The following SLC35F1 variants were observed in gnomAD, a reference collection of about 807,000 sequenced individuals.
SLC35F1 encodes the protein chromosome 6 open reading frame 169.
SLC35F1 carries 14 observed loss-of-function variants against 48.7 expected under a neutral mutation model. The ratio of observed to expected loss-of-function variants is 0.29; its 90% CI spans 0.19 to 0.45. The LOEUF is 0.45. Ranked by LOEUF, SLC35F1 falls within the 20% of genes least tolerant of loss-of-function variation. The pLI, the probability that SLC35F1 is intolerant of heterozygous loss-of-function variation, is 1.00. For synonymous variants in SLC35F1, 190 were observed against 202.2 expected, an observed-to-expected ratio of 0.94 and a Z score of 0.51; for missense variants, 404 against 500.0, an observed-to-expected ratio of 0.81 and a Z score of 1.83.
chr6:118,007,193 G>T (rs1179446746), intron 1 of SLC35F1, among the ~76,000 whole-genome samples: 1 of 151,934 alleles, frequency 6.6e-6, no homozygotes, highest in African/African-American at 2.4e-5. Flanking sequence ...GCTGAAGCGG[G>T]GACTCTCTAC....
At chr6:118,206,075 C>T (rs1477258389) in intron 2 of SLC35F1, among the ~76,000 whole-genome samples, 1 of 151,992 alleles carries the variant, frequency 6.6e-6, no homozygotes, top group Non-Finnish European at 1.5e-5. Context: ...GGTGATTTCA[C>T]AATATTGTAA....
At chr6:117,971,878 A>G (rs1164300538) in intron 1 of SLC35F1, among the ~76,000 whole-genome samples, 3 of 152,172 alleles carry the variant, frequency 2.0e-5, no homozygotes, top group Non-Finnish European at 2.9e-5. Context: ...CAGGCCTGTG[A>G]TGGATGGAAG....
chr6:118,019,037 A>C (rs932635118), intron 1 of SLC35F1, among the ~76,000 whole-genome samples: 1 of 152,162 alleles, frequency 6.6e-6, no homozygotes, highest in African/African-American at 2.4e-5. Context: ...TGGAGTTGCT[A>C]TTCTTCACGT....
intron 1 of SLC35F1, among the ~76,000 whole-genome samples, chr6:118,120,034 G>T (rs1258955812): frequency 6.6e-6 from 1 of 152,270 alleles, no homozygotes; most frequent in Admixed American, 6.5e-5. Flanking sequence ...ATTCTGGGCT[G>T]ATTTGACTAC....
intron 1 of SLC35F1, among the ~76,000 whole-genome samples, chr6:118,032,039 G>T (rs1206737437): frequency 1.3e-5 from 2 of 152,126 alleles, no homozygotes; most frequent in East Asian, 3.9e-4. Context: ...AAAGCATGAA[G>T]TTCTTATGCA....
chr6:118,217,977 C>G (rs1487044862), intron 2 of SLC35F1, among the ~76,000 whole-genome samples: 1 of 152,170 alleles, frequency 6.6e-6, no homozygotes, highest in Non-Finnish European at 1.5e-5. Context: ...TTGGTTATAG[C>G]TTGTAGGACA....
chr6:117,998,344 C>T (rs1292403925), intron 1 of SLC35F1, among the ~76,000 whole-genome samples: 1 of 151,144 alleles, frequency 6.6e-6, no homozygotes, highest in Admixed American at 6.6e-5. Context: ...TAACACCCCA[C>T]TGTCAACATT....
intron 2 of SLC35F1, among the ~76,000 whole-genome samples, chr6:118,160,525 CAAAG>C (rs546622008): frequency 1.2e-3 from 175 of 152,018 alleles, no homozygotes; most frequent in Middle Eastern, 6.8e-3. Context: ...TGATTTTTTT[CAAAG>C]AAAGAATACT....
intron 1 of SLC35F1, among the ~76,000 whole-genome samples, chr6:118,099,802 A>G (rs773794984): frequency 3.9e-5 from 6 of 152,160 alleles, no homozygotes; most frequent in Non-Finnish European, 7.4e-5. Flanking sequence ...GCTGTAACAC[A>G]TGGGCAGATT....
At chr6:118,023,727 A>G (rs2114886674) in intron 1 of SLC35F1, among the ~76,000 whole-genome samples, 2 of 152,316 alleles carry the variant, frequency 1.3e-5, no homozygotes, top group South Asian at 4.1e-4. Flanking sequence ...TATTAAGGTT[A>G]TCATCTTAAG....
chr6:118,121,797 A>G (rs1032237973), intron 1 of SLC35F1, among the ~76,000 whole-genome samples: 2 of 152,196 alleles, frequency 1.3e-5, no homozygotes, highest in South Asian at 2.1e-4. Context: ...CATTAACTAC[A>G]CACTGTGAGA....
At chr6:118,163,027 G>C (rs758732304) in intron 2 of SLC35F1, among the ~76,000 whole-genome samples, 8 of 149,634 alleles carry the variant, frequency 5.3e-5, no homozygotes, top group Admixed American at 2.7e-4. Context: ...GTGCGATCTC[G>C]AGAGGCTCAC....
At chr6:118,188,356 C>A in intron 2 of SLC35F1, among the ~76,000 whole-genome samples, 1 of 152,096 alleles carries the variant, frequency 6.6e-6, no homozygotes, top group East Asian at 1.9e-4. Flanking sequence ...TCGAGACAAG[C>A]CTGGCCAACA....
intron 1 of SLC35F1, among the ~76,000 whole-genome samples, chr6:117,945,641 C>A (rs1776286753): frequency 6.6e-6 from 1 of 152,152 alleles, no homozygotes; most frequent in South Asian, 2.1e-4. Context: ...AGTTTTTAGA[C>A]CTGCAAGTAA....
At chr6:118,159,512 A>T (rs1011366616) in intron 2 of SLC35F1, among the ~76,000 whole-genome samples, 3 of 152,202 alleles carry the variant, frequency 2.0e-5, no homozygotes, top group African/African-American at 7.2e-5. Flanking sequence ...GAAGCTTCCA[A>T]AAACGTATGC....
At chr6:118,204,031 A>G (rs1774902905) in intron 2 of SLC35F1, among the ~76,000 whole-genome samples, 1 of 151,858 alleles carries the variant, frequency 6.6e-6, no homozygotes, top group Non-Finnish European at 1.5e-5. Flanking sequence ...GGTAATATAG[A>G]AAGCAATAAT....
intron 1 of SLC35F1, among the ~76,000 whole-genome samples, chr6:118,048,314 G>A (rs1348315517): frequency 6.6e-6 from 1 of 152,074 alleles, no homozygotes; most frequent in African/African-American, 2.4e-5. Flanking sequence ...TTGCATCAAT[G>A]TTCATCAAGG....
chr6:117,911,028 C>CA (rs1420813138), intron 1 of SLC35F1, among the ~76,000 whole-genome samples: 2 of 152,140 alleles, frequency 1.3e-5, no homozygotes, highest in Non-Finnish European at 2.9e-5. Context: ...TAGTATACTC[C>CA]ATAGCCTCTC....
chr6:118,269,430 T>C (rs1562345865), intron 4 of SLC35F1, among the ~76,000 whole-genome samples: 1 of 152,160 alleles, frequency 6.6e-6, no homozygotes, highest in Non-Finnish European at 1.5e-5. Flanking sequence ...GAATGATGTT[T>C]TAAGACCAGC....
Sources: gnomAD v4.1 joint callset for allele counts (sites outside exome capture counted in the v4.1 genomes callset) on GRCh38, gnomAD v4.1.1 for gene constraint, MANE v1.5 for transcripts, NCBI Gene and HGNC (gene_info 2026-07-23, HGNC 2026-07-21) for gene names.